TPD52L2: variants seen among roughly 807,000 people sequenced by gnomAD.
TPD52L2 encodes TPD52 like 2, also known as tumor protein D54.
In TPD52L2, 19 loss-of-function variants were observed where a neutral mutation model predicts 24.7. That is an observed-to-expected ratio of 0.77 (90% CI 0.54 to 1.13). The LOEUF (loss-of-function observed/expected upper bound fraction) is 1.13. Among genes scored for constraint, TPD52L2 ranks in the 50% most tolerant of loss-of-function variants. The probability of loss-of-function intolerance (pLI) is 0.00; values close to 1 mark genes in which losing one functional copy is unlikely to be tolerated. For missense variants in TPD52L2, 236 were observed against 250.4 expected (o/e 0.94, Z 0.39); for synonymous variants, 104 against 100.2 (o/e 1.04, Z -0.23).
Position 63,873,782 on chromosome 20 carries a change from T to C in TPD52L2, c.280T>C (p.Ser94Pro). 2 of 1,585,944 alleles carry C rather than the reference T, an allele frequency of 1.3e-6. No homozygotes were observed. Among genetic ancestry groups the C allele is most frequent in the Non-Finnish European group, 1.7e-6 (2 of 1,168,636 alleles). ...CCTGGGGGAGCTGAAACAGAACCTGTCCAGGAGCTGGCATGACGTGCAGGT... is the reference window on the plus strand; with the variant it reads ...CCTGGGGGAGCTGAAACAGAACCTGCCCAGGAGCTGGCATGACGTGCAGGT... The part of the protein sequence containing the change: ...STLGELKQNL[S>P]RSWHDVQVSS... Residue 94 changes from serine (S) to proline (P), a missense_variant, in exon 3 of 7, where the codon TCC becomes CCC. Coordinates refer to ENST00000346249, the MANE Select transcript of TPD52L2 (RefSeq NM_003288.4).
intron 2 of TPD52L2, among the ~76,000 whole-genome samples, chr20:63,872,473 G>A (rs1241113396): frequency 3.3e-5 from 5 of 151,942 alleles, no homozygotes; most frequent in Non-Finnish European, 5.9e-5. Context: ...TGTCTCCTGG[G>A]TTCAAACAGT....
At chr20:63,886,639 G>A (rs368879141) in intron 5 of TPD52L2, among the ~76,000 whole-genome samples, 58 of 151,078 alleles carry the variant, frequency 3.8e-4, no homozygotes, top group Admixed American at 8.6e-4. Context: ...GTGAGCCACC[G>A]CGCCCGGCCT....
chr20:63,881,630 C>T (rs1040575096), intron 4 of TPD52L2, among the ~76,000 whole-genome samples: 4 of 152,148 alleles, frequency 2.6e-5, no homozygotes, highest in Non-Finnish European at 5.9e-5. Context: ...CCTTCTCTGG[C>T]GCCAGTCATC....
chr20:63,886,064 C>A, intron 5 of TPD52L2: 1 of 1,613,532 alleles, frequency 6.2e-7, no homozygotes, highest in Non-Finnish European at 8.5e-7. Flanking sequence ...CCTGGACACA[C>A]CTGTGGAAGA....
At chr20:63,876,633 C>G (rs1433495321) in intron 4 of TPD52L2, 1 of 387,554 alleles carries the variant, frequency 2.6e-6, no homozygotes, top group Non-Finnish European at 5.2e-6. Flanking sequence ...GTAATCGTTG[C>G]CACAGAACAT....
Position 63,873,831 on chromosome 20 carries a change from C to A in TPD52L2, c.314+15C>A, listed in dbSNP as rs1382138907. On this transcript the variant is annotated intron_variant, in intron 3 of 6. Transcript: ENST00000346249. The stretch of plus-strand genomic sequence containing the variant: ...GTCTCTAGCGCGTAGGTACCTGCCC[C>A]AGGCGCACCCCTGGGGGCTGAAGAG... The A allele has an allele frequency of 1.3e-6, 2 of 1,501,536 alleles. No homozygotes were observed. Among genetic ancestry groups the A allele is most frequent in the African/African-American group, 1.4e-5 (1 of 70,464 alleles). The allele number at this position is 1,501,536 out of a possible 1,614,324, so 93.0% of individuals were successfully genotyped here.
At chr20:63,872,902 CGCTGTGTTA>C (rs1218105934) in intron 2 of TPD52L2, among the ~76,000 whole-genome samples, 1 of 151,368 alleles carries the variant, frequency 6.6e-6, no homozygotes. Flanking sequence ...GACAGGGTTT[CGCTGTGTTA>C]ACTGTGTTAG....
intron 3 of TPD52L2, 111 bp downstream of exon 3, chr20:63,873,927 GT>G (rs1164839424): frequency 7.9e-7 from 1 of 1,257,936 alleles, no homozygotes; most frequent in South Asian, 1.8e-5. Flanking sequence ...CAGCCGTGGA[GT>G]TGAGTGGCCT....
At chr20:63,878,505 G>A (rs2052774825) in intron 4 of TPD52L2, among the ~76,000 whole-genome samples, 1 of 152,236 alleles carries the variant, frequency 6.6e-6, no homozygotes, top group Admixed American at 6.5e-5. Context: ...CAAACAGGGA[G>A]GTGGGAGCAC....
At chr20:63,871,978 A>G (rs1024868362) in intron 2 of TPD52L2, among the ~76,000 whole-genome samples, 8 of 152,028 alleles carry the variant, frequency 5.3e-5, no homozygotes, top group Admixed American at 6.6e-5. Context: ...TATGAGCTGA[A>G]GATACTGAGA....
Position 63,890,792 on chromosome 20 carries a change from T to C in TPD52L2, c.*847T>C, listed in dbSNP as rs1350978299. 6.6e-6 allele frequency: 1 copy of C among 152,418 alleles called. No homozygotes were observed. The highest frequency in any genetic ancestry group is 2.4e-5 in the African/African-American group (1 of 41,476). 9.4% of individuals were successfully genotyped at this position (152,418 alleles called of 1,614,324 possible). A position where few individuals can be genotyped will look rare whatever the true frequency, so the allele number is the denominator to read the frequency against. On this transcript the variant is annotated 3_prime_UTR_variant, in exon 7 of 7. Transcript: ENST00000346249. ...TCCATCCCAGTGTACAAAACCTGCT[T>C]CTCTTCTCAACCGTGGCAGCTCCCG...
intron 4 of TPD52L2, among the ~76,000 whole-genome samples, chr20:63,881,347 G>A (rs1164703296): frequency 1.3e-5 from 2 of 149,644 alleles, no homozygotes; most frequent in Non-Finnish European, 3.0e-5. Context: ...GTGACAGAGC[G>A]AGACTTTGTC....
intron 2 of TPD52L2, among the ~76,000 whole-genome samples, chr20:63,872,063 T>TA (rs1262328090): frequency 6.8e-6 from 1 of 147,860 alleles, no homozygotes; most frequent in Non-Finnish European, 1.5e-5. Flanking sequence ...TTTTTTTTTT[T>TA]AAAGACCTGA....
Position 63,890,610 on chromosome 20 carries a change from T to C in TPD52L2, c.*665T>C, listed in dbSNP as rs1394045815. ...GAATATTATTTCTTTGGACTCAAGC[T>C]GAAATACAAGCCTTACATTGCCTTA... On this transcript the variant is annotated 3_prime_UTR_variant, in exon 7 of 7. Coordinates refer to ENST00000346249, the MANE Select transcript of TPD52L2 (RefSeq NM_003288.4). 2.6e-5 allele frequency: 4 copies of C among 152,942 alleles called. No individual in the cohort carries two copies. The highest frequency in any genetic ancestry group is 1.9e-4 in the East Asian group (1 of 5,346). The allele number at this position is 152,942 out of a possible 1,614,324, so 9.5% of individuals were successfully genotyped here.
intron 2 of TPD52L2, among the ~76,000 whole-genome samples, chr20:63,872,038 T>C (rs1285224835): frequency 6.6e-6 from 1 of 150,462 alleles, no homozygotes; most frequent in Non-Finnish European, 1.5e-5. Context: ...TCAGAGGTCA[T>C]GTTCTTTTTT....
chr20:63,870,520 G>GTTTTTTTTT (rs959786861), intron 2 of TPD52L2, among the ~76,000 whole-genome samples: 3 of 94,522 alleles, frequency 3.2e-5, no homozygotes, highest in African/African-American at 8.7e-5. Flanking sequence ...ATAAGGTGAA[G>GTTTTTTTTT]TTTTTTTTTT....
chr20:63,885,934 C>A, intron 5 of TPD52L2: 1 of 1,479,920 alleles, frequency 6.8e-7, no homozygotes, highest in Non-Finnish European at 9.4e-7. Flanking sequence ...TCCCCTGGGG[C>A]TCCCCGAGGA....
In TPD52L2 at chr20:63,872,895, A is replaced by G. The variant is rs185353835; in HGVS notation, c.166-773A>G. ...ATTTTTTGTATTTTTTAGTAGAGAC[A>G]GGGTTTCGCTGTGTTAACTGTGTTA... On this transcript the variant is annotated intron_variant, in intron 2 of 6. Transcript: ENST00000346249. 8.5e-3 allele frequency among the ~76,000 whole-genome samples: 1,289 copies of G among 151,068 alleles called. 18 individuals are homozygous for G. The highest frequency in any genetic ancestry group is 0.021 in the South Asian group (100 of 4,780).
chr20:63,882,139 C>T (rs925484666), intron 4 of TPD52L2, among the ~76,000 whole-genome samples: 2 of 152,238 alleles, frequency 1.3e-5, no homozygotes, highest in African/African-American at 4.8e-5. Flanking sequence ...GCAGGGGCAC[C>T]TTGCGGGCTG....
Sources: gnomAD v4.1 joint callset for allele counts (sites outside exome capture counted in the v4.1 genomes callset) on GRCh38, gnomAD v4.1.1 for gene constraint, MANE v1.5 for transcripts, NCBI Gene and HGNC (gene_info 2026-07-23, HGNC 2026-07-21) for gene names.